Variants in RELN observed in about 807,000 individuals in gnomAD.
RELN encodes the protein reelin.
Under a neutral mutation model 427.6 loss-of-function variants are expected in RELN, and 108 were observed. The observed-to-expected ratio is 0.25, with a 90% confidence interval of 0.22 to 0.30. The LOEUF is 0.30. Ranked by LOEUF, RELN falls within the 10% of genes least tolerant of loss-of-function variation. The pLI is 1.00. For missense variants in RELN, 3,715 were observed against 4,302.8 expected (o/e 0.86, Z 3.82); for synonymous variants, 1,524 against 1,513.4 (o/e 1.01, Z -0.16).
chr7:103,629,865 G>A lies in RELN; in HGVS notation c.2702+75C>T. 3.2e-6 allele frequency: 3 copies of A among 950,626 alleles called. No individual in the cohort carries two copies. The Admixed American group carries it at 5.1e-5, about 16-fold the overall frequency. The allele number at this position is 950,626 out of a possible 1,614,324, so 58.9% of individuals were successfully genotyped here. A position where few individuals can be genotyped will look rare whatever the true frequency, so the allele number is the denominator to read the frequency against. ...ACTTGTCAACAAATGACTAAATGCT[G>A]AATAGACTGGAAGATCATCCTCATG... On this transcript the variant is annotated intron_variant, in intron 20 of 64. Transcript: ENST00000428762.
intron 64 of RELN, among the ~76,000 whole-genome samples, chr7:103,475,131 C>T (rs896157869): frequency 5.9e-5 from 9 of 152,188 alleles, no homozygotes; most frequent in African/African-American, 2.2e-4. Flanking sequence ...TTCTACCCGC[C>T]TCATTGGCCA....
intron 8 of RELN, among the ~76,000 whole-genome samples, chr7:103,717,576 T>C (rs1789970981): frequency 6.6e-6 from 1 of 151,990 alleles, no homozygotes; most frequent in Admixed American, 6.6e-5. Flanking sequence ...ATCTTACCCT[T>C]AAATAAAACA....
chr7:103,752,563 C>T (rs1444206240), intron 5 of RELN, among the ~76,000 whole-genome samples: 2 of 151,860 alleles, frequency 1.3e-5, no homozygotes, highest in African/African-American at 2.4e-5. Context: ...TGCACAACCA[C>T]CACACTGACT....
intron 4 of RELN, among the ~76,000 whole-genome samples, chr7:103,772,610 G>A (rs1371681119): frequency 1.3e-5 from 2 of 152,154 alleles, no homozygotes; most frequent in Admixed American, 1.3e-4. Flanking sequence ...GTTTTCTCTG[G>A]AGGGAGGGAG....
rs1830939157 is a variant in RELN at position 103,573,980 on chromosome 7, C to G, written c.4511+112G>C. On this transcript the variant is annotated intron_variant, in intron 30 of 64. Coordinates refer to ENST00000428762, the MANE Select transcript of RELN (RefSeq NM_005045.4). The surrounding 1 kb of genome is among the most constrained non-coding windows in gnomAD (Gnocchi z 4.4). ...ATTTTTACATATCATAATCTATATA[C>G]AGAAACATTATTGTATATATTCCCA... is the stretch of plus-strand genomic sequence containing the variant. 4.5e-6 allele frequency: 4 copies of G among 884,706 alleles called. No individual in the cohort carries two copies. Among genetic ancestry groups the G allele is most frequent in the Non-Finnish European group, 7.5e-6 (4 of 532,794 alleles). 54.8% of individuals were successfully genotyped at this position (884,706 alleles called of 1,614,324 possible). A position where few individuals can be genotyped will look rare whatever the true frequency, so the allele number is the denominator to read the frequency against.
Position 103,540,415 on chromosome 7 carries a change from C to T in RELN, c.6712G>A (p.Val2238Ile), listed in dbSNP as rs749134304. 2.7e-5 allele frequency: 43 copies of T among 1,613,920 alleles called. No individual in the cohort carries two copies. The South Asian group carries it at 3.2e-4, about 12-fold the overall frequency. ...ACGGGTTGACTCCTGGGGTCAGGAA[C>T]GCCTTTACCACATCCCAGTCTCATG... ...FFMRLGCGKG[V>I]PDPRSQPVLL... Residue 2238 changes from valine to isoleucine, a missense_variant, in exon 44 of 65, where the codon GTT becomes ATT. This residue lies in a region of RELN where 1,310 missense variants were observed against 1,643.0 expected (regional missense o/e 0.80). Coordinates refer to ENST00000428762, the MANE Select transcript of RELN (RefSeq NM_005045.4).
chr7:103,617,583 C>A (rs1335412587), intron 20 of RELN, among the ~76,000 whole-genome samples: 1 of 149,138 alleles, frequency 6.7e-6, no homozygotes, highest in Non-Finnish European at 1.5e-5. Flanking sequence ...TATATATATT[C>A]CTTTCATATA....
chr7:103,593,576 C>T (rs764535573), intron 27 of RELN, 106 bp downstream of exon 27: 21 of 986,010 alleles, frequency 2.1e-5, no homozygotes, highest in South Asian at 1.5e-4. Context: ...TGAGTCCCTT[C>T]TTTAATAGAA....
chr7:103,859,393 A>C (rs1322753950), intron 2 of RELN, among the ~76,000 whole-genome samples: 1 of 152,148 alleles, frequency 6.6e-6, no homozygotes, highest in Non-Finnish European at 1.5e-5. Context: ...TCCCAGGTTC[A>C]AGTGATTATC....
At chr7:103,514,065 T>C (rs923297824) in intron 50 of RELN, 1 of 152,178 alleles carries the variant, frequency 6.6e-6, no homozygotes, top group Non-Finnish European at 1.5e-5. Flanking sequence ...TTCTTATCAG[T>C]CTTATTATTG....
At chr7:103,587,764 G>A (rs931554686) in intron 28 of RELN, among the ~76,000 whole-genome samples, 2 of 151,974 alleles carry the variant, frequency 1.3e-5, no homozygotes. Flanking sequence ...AATGTGAAAA[G>A]GTATATGAAA....
chr7:103,920,926 G>A (rs1407635861), intron 1 of RELN, among the ~76,000 whole-genome samples: 1 of 152,080 alleles, frequency 6.6e-6, no homozygotes, highest in East Asian at 1.9e-4. Flanking sequence ...TTAAAAAGTT[G>A]GTGAGGAGAA....
intron 8 of RELN, among the ~76,000 whole-genome samples, chr7:103,706,273 G>T (rs1429840209): frequency 6.6e-6 from 1 of 151,902 alleles, no homozygotes; most frequent in African/African-American, 2.4e-5. Context: ...AGACAGATTA[G>T]GATAAAGAGA....
At chr7:103,748,087 C>G (rs183796168) in intron 6 of RELN, among the ~76,000 whole-genome samples, 6 of 145,410 alleles carry the variant, frequency 4.1e-5, no homozygotes, top group Non-Finnish European at 7.5e-5. Context: ...TATAAAAAAG[C>G]AAAATGTCTG....
Position 103,503,203 on chromosome 7 carries a change from T to C in RELN, c.8302A>G (p.Lys2768Glu). The change falls in exon 52 of 65, where the codon AAA becomes GAA. Residue 2768 changes from lysine (K) to glutamate (E), a missense_variant. Coordinates refer to ENST00000428762, the MANE Select transcript of RELN (RefSeq NM_005045.4). The part of the protein sequence containing the change: ...KISVGCKVSE[K>E]IAQNQIHVQY... ...ACATGAATTTGATTCTGGGCAATTT[T>C]TTCAGACACCTTACATCCAACTGAG... 1 of 1,614,198 alleles carries C rather than the reference T, an allele frequency of 6.2e-7. No homozygotes were observed. Among genetic ancestry groups the C allele is most frequent in the Non-Finnish European group, 8.5e-7 (1 of 1,180,036 alleles).
Position 103,495,835 on chromosome 7 carries a change from C to T in RELN, c.9257G>A (p.Cys3086Tyr). 1 of 1,614,024 alleles carries T rather than the reference C, an allele frequency of 6.2e-7. No individual in the cohort carries two copies. The highest frequency in any genetic ancestry group is 8.5e-7 in the Non-Finnish European group (1 of 1,179,990). Residue 3086 changes from cysteine to tyrosine, a missense_variant, in exon 57 of 65, where the codon TGT becomes TAT. Cys to Tyr is a radical substitution (Grantham distance 194, BLOSUM62 -2). Around this residue, in one of 4 missense-constraint regions of RELN, gnomAD observed 1,310 missense variants for 1,643.0 expected, o/e 0.80. Coordinates refer to ENST00000428762, the MANE Select transcript of RELN (RefSeq NM_005045.4). ...YPNAVRTAGFCGNPSFHLYWP... is the reference protein window; with the variant it reads ...YPNAVRTAGFYGNPSFHLYWP... ...ATAGAGGTGAAAGGATGGATTGCCA[C>T]AAAATCCTGCTGTCCTTACAGCATT...
At chr7:103,549,933 G>C (rs139809208) in intron 41 of RELN, among the ~76,000 whole-genome samples, 2 of 152,264 alleles carry the variant, frequency 1.3e-5, no homozygotes, top group East Asian at 3.9e-4. Flanking sequence ...TGGTTTTGCT[G>C]GCTGTGTCAT....
intron 1 of RELN, among the ~76,000 whole-genome samples, chr7:103,944,618 A>G (rs1156844614): frequency 6.6e-6 from 1 of 152,172 alleles, no homozygotes; most frequent in Non-Finnish European, 1.5e-5. Context: ...CAGCTGTACT[A>G]CAGTTATGCC....
chr7:103,950,177 A>C (rs1441825126), intron 1 of RELN, among the ~76,000 whole-genome samples: 1 of 152,120 alleles, frequency 6.6e-6, no homozygotes, highest in Non-Finnish European at 1.5e-5. Context: ...AAGGGCACTA[A>C]TCCTTTCACG....
Sources: gnomAD v4.1 joint callset for allele counts (sites outside exome capture counted in the v4.1 genomes callset) on GRCh38, gnomAD v4.1.1 for gene constraint, gnomAD v4.1.1 regional missense constraint, Gnocchi (gnomAD v3.1) non-coding constraint, MANE v1.5 for transcripts, NCBI Gene and HGNC (gene_info 2026-07-23, HGNC 2026-07-21) for gene names.